Variants in PSKH2 observed in about 807,000 individuals in gnomAD.
PSKH2 encodes serine/threonine-protein kinase H2.
In PSKH2, 16 loss-of-function variants were observed where a neutral mutation model predicts 22.5. The observed-to-expected ratio is 0.71, with a 90% CI of 0.48 to 1.08. PSKH2 has a LOEUF of 1.08. Among genes scored for constraint, PSKH2 ranks in the 50% least tolerant of loss-of-function variants. The probability of loss-of-function intolerance (pLI) is 0.00; values close to 1 mark genes in which losing one functional copy is unlikely to be tolerated. For synonymous variants in PSKH2, 188 were observed against 184.8 expected, an observed-to-expected ratio of 1.02 and a Z score of -0.14; for missense variants, 516 against 492.8, an observed-to-expected ratio of 1.05 and a Z score of -0.44.
chr8:86,058,589 C>T (rs1817736778), intron 2 of PSKH2, among the ~76,000 whole-genome samples: 1 of 152,158 alleles, frequency 6.6e-6, no homozygotes, highest in South Asian at 2.1e-4. Flanking sequence ...GGTAGTATCC[C>T]TGCCTTTAAG....
intron 2 of PSKH2, among the ~76,000 whole-genome samples, chr8:86,059,238 A>G (rs902901503): frequency 3.9e-5 from 6 of 152,138 alleles, no homozygotes; most frequent in Admixed American, 1.3e-4. Context: ...ACAATGCCCA[A>G]CCTATTTAAT....
intron 2 of PSKH2, among the ~76,000 whole-genome samples, chr8:86,050,381 A>G (rs1817613637): frequency 1.3e-5 from 2 of 152,196 alleles, no homozygotes; most frequent in South Asian, 2.1e-4. Flanking sequence ...AAGTAGCCAT[A>G]AAGTGCCATA....
At chr8:86,064,726 A>G (rs1448364673) in intron 1 of PSKH2, 95 bp from the exon 2 acceptor site, 5 of 955,860 alleles carry the variant, frequency 5.2e-6, no homozygotes, top group African/African-American at 1.7e-5. Context: ...CTATCCTTCT[A>G]TTCCTCCCAT....
At chr8:86,066,519 C>G (rs533170355) in intron 1 of PSKH2, 1 of 152,142 alleles carries the variant, frequency 6.6e-6, no homozygotes, top group East Asian at 1.9e-4. Context: ...TTAATAAAAC[C>G]TCTCCTAGCT....
chr8:86,065,443 G>C (rs1259585958), intron 1 of PSKH2, among the ~76,000 whole-genome samples: 1 of 152,068 alleles, frequency 6.6e-6, no homozygotes, highest in Non-Finnish European at 1.5e-5. Flanking sequence ...ACCCACACTT[G>C]GAATTTCTCG....
chr8:86,054,732 T>A (rs1817677211), intron 2 of PSKH2, among the ~76,000 whole-genome samples: 1 of 152,202 alleles, frequency 6.6e-6, no homozygotes, highest in Non-Finnish European at 1.5e-5. Flanking sequence ...CAGGTGCCAT[T>A]TAATTTTAAA....
chr8:86,049,728 AAGAAAGAAAGAAAG>A (rs1817593638), intron 2 of PSKH2, among the ~76,000 whole-genome samples: 1 of 64,410 alleles, frequency 1.6e-5, no homozygotes, highest in Non-Finnish European at 3.2e-5. Context: ...GAAAGAAAGA[AAGAAAGAAAGAAAG>A]AAAGAAACGA....
intron 1 of PSKH2, 35 bp downstream of exon 1, chr8:86,069,403 C>T: frequency 6.6e-7 from 1 of 1,516,346 alleles, no homozygotes; most frequent in Non-Finnish European, 8.8e-7. Flanking sequence ...CTTTGTCAGC[C>T]CAGTCCCAGG....
chr8:86,051,792 C>T (rs1477191129), intron 2 of PSKH2, among the ~76,000 whole-genome samples: 1 of 152,102 alleles, frequency 6.6e-6, no homozygotes, highest in African/African-American at 2.4e-5. Flanking sequence ...TAAGATGACC[C>T]CAAATGATTG....
At chr8:86,052,782 T>C (rs1432634285) in intron 2 of PSKH2, among the ~76,000 whole-genome samples, 1 of 152,220 alleles carries the variant, frequency 6.6e-6, no homozygotes. Flanking sequence ...AGGAGAACTT[T>C]ATTTTATCCC....
At chr8:86,062,960 G>T (rs139299911) in intron 2 of PSKH2, among the ~76,000 whole-genome samples, 201 of 152,238 alleles carry the variant, frequency 1.3e-3, no homozygotes, top group African/African-American at 4.0e-3. Context: ...ACATTTTTGT[G>T]TTCATTTGCA....
chr8:86,069,710 G>A (rs752256222), upstream of PSKH2: 8 of 1,373,108 alleles, frequency 5.8e-6, 1 homozygote, highest in African/African-American at 3.0e-5. Context: ...GAGCAGCTGC[G>A]AGGGGCGGGA....
intron 2 of PSKH2, among the ~76,000 whole-genome samples, chr8:86,057,862 T>C (rs1425476121): frequency 6.6e-6 from 1 of 152,200 alleles, no homozygotes; most frequent in East Asian, 1.9e-4. Flanking sequence ...TAGATTTTCT[T>C]CCATTGCCCC....
Position 86,063,998 on chromosome 8 carries a change from C to A in PSKH2, c.819G>T (p.Lys273Asn). The A allele has an allele frequency of 6.2e-7, 1 of 1,613,516 alleles. No homozygotes were observed. Among genetic ancestry groups the A allele is most frequent in the Non-Finnish European group, 8.5e-7 (1 of 1,179,808 alleles). Residue 273 changes from lysine (K) to asparagine (N), a missense_variant, in exon 2 of 3, where the codon AAG (lysine) becomes AAT (asparagine). Lys to Asn is a moderately conservative substitution (Grantham distance 94). Coordinates refer to ENST00000276616, the MANE Select transcript of PSKH2 (RefSeq NM_033126.3). ...DDESQTRLYR[K>N]ILKGKYNYTG... ...TATAATTATATTTGCCTTTCAGAAT[C>A]TTCCTGTAAAGCCTTGTCTGGCTTT... is the stretch of plus-strand genomic sequence containing the variant.
intron 2 of PSKH2, among the ~76,000 whole-genome samples, chr8:86,050,029 A>G (rs758396863): frequency 2.0e-5 from 3 of 152,230 alleles, no homozygotes; most frequent in Admixed American, 1.3e-4. Context: ...CGTAACAGCT[A>G]TGACACAGTA....
intron 2 of PSKH2, among the ~76,000 whole-genome samples, chr8:86,063,192 TA>T (rs1482110722): frequency 6.6e-6 from 1 of 152,234 alleles, no homozygotes; most frequent in Non-Finnish European, 1.5e-5. Flanking sequence ...TGTTTAACTT[TA>T]ATTTTGCTTA....
At chr8:86,057,462 C>G (rs1203542015) in intron 2 of PSKH2, among the ~76,000 whole-genome samples, 1 of 152,072 alleles carries the variant, frequency 6.6e-6, no homozygotes, top group East Asian at 1.9e-4. Flanking sequence ...TCTCAGCTCA[C>G]TGCAACCTCC....
At chr8:86,051,132 C>G (rs1021123814) in intron 2 of PSKH2, among the ~76,000 whole-genome samples, 1 of 151,164 alleles carries the variant, frequency 6.6e-6, no homozygotes, top group African/African-American at 2.4e-5. Flanking sequence ...GTGGCATGAT[C>G]GTGGCTCACT....
chr8:86,069,113 G>T (rs762067510), intron 1 of PSKH2, among the ~76,000 whole-genome samples: 3 of 152,144 alleles, frequency 2.0e-5, no homozygotes, highest in Admixed American at 1.3e-4. Flanking sequence ...AGCTTAGGGA[G>T]AGGTGGTCAA....
Sources: gnomAD v4.1 joint callset for allele counts (sites outside exome capture counted in the v4.1 genomes callset) on GRCh38, gnomAD v4.1.1 for gene constraint, MANE v1.5 for transcripts, NCBI Gene and HGNC (gene_info 2026-07-23, HGNC 2026-07-21) for gene names.